Variants in NAA50 observed in about 807,000 individuals in gnomAD.
The protein encoded by NAA50 is N-alpha-acetyltransferase 50.
In NAA50, 7 loss-of-function variants were observed where a neutral mutation model predicts 20.7. The ratio of observed to expected loss-of-function variants is 0.34; its 90% confidence interval spans 0.19 to 0.63. NAA50 has a LOEUF of 0.63. NAA50 is among the 30% of genes least tolerant of loss of function. NAA50 has a pLI of 0.75. For missense variants in NAA50, 111 were observed against 199.1 expected (o/e 0.56, Z 2.66); for synonymous variants, 54 against 70.6 (o/e 0.77, Z 1.18).
chr3:113,742,292 C>T (rs149147528), intron 1 of NAA50, among the ~76,000 whole-genome samples: 1 of 152,242 alleles, frequency 6.6e-6, no homozygotes, highest in East Asian at 1.9e-4. Flanking sequence ...GACCAGTTTT[C>T]GCTCTGTTGC....
At chr3:113,731,941 G>A (rs1249411676) in intron 1 of NAA50, among the ~76,000 whole-genome samples, 1 of 152,158 alleles carries the variant, frequency 6.6e-6, no homozygotes, top group African/African-American at 2.4e-5. Context: ...AAAAGTCTGC[G>A]TGTGGACATA....
intron 1 of NAA50, among the ~76,000 whole-genome samples, chr3:113,726,574 T>A (rs1002140743): frequency 6.6e-5 from 10 of 151,834 alleles, no homozygotes; most frequent in Non-Finnish European, 1.5e-5. Context: ...TGAAACTCTG[T>A]CTCTACTAAA....
chr3:113,737,450 C>T (rs1244213749), intron 1 of NAA50, among the ~76,000 whole-genome samples: 1 of 152,214 alleles, frequency 6.6e-6, no homozygotes, highest in African/African-American at 2.4e-5. Flanking sequence ...TCAACACTAA[C>T]TGCTCATGAG....
chr3:113,741,239 C>A (rs1483401066), intron 1 of NAA50: 2 of 427,820 alleles, frequency 4.7e-6, no homozygotes, highest in Non-Finnish European at 9.2e-6. Context: ...GTCCTCAGTA[C>A]ACAGACTGCA....
intron 1 of NAA50, among the ~76,000 whole-genome samples, chr3:113,743,213 G>A (rs1708441209): frequency 6.6e-6 from 1 of 152,156 alleles, no homozygotes; most frequent in Non-Finnish European, 1.5e-5. Context: ...AACCAGCTAA[G>A]TTTTAAGTTT....
rs1339072707 is a variant in NAA50 at position 113,717,399 on chromosome 3, G to T, written c.*4361C>A. ...TCTTAAATTTTGGAGAACTGAAAAG[G>T]TTGAGAATTTCTGCCCCAGTAACAG... On this transcript the variant is annotated 3_prime_UTR_variant, in exon 5 of 5. Coordinates refer to ENST00000240922, the MANE Select transcript of NAA50 (RefSeq NM_025146.4). 1.3e-5 allele frequency: 2 copies of T among 152,142 alleles called. No homozygotes were observed. The highest frequency in any genetic ancestry group is 1.9e-4 in the East Asian group (1 of 5,192). The allele number at this position is 152,142 out of a possible 1,614,324, so 9.4% of individuals were successfully genotyped here.
At chr3:113,734,611 A>G (rs528887914) in intron 1 of NAA50, among the ~76,000 whole-genome samples, 1 of 152,380 alleles carries the variant, frequency 6.6e-6, no homozygotes, top group African/African-American at 2.4e-5. Context: ...TTCTTACTAT[A>G]TGAACAAGTA....
Position 113,721,567 on chromosome 3 carries a change from A to G in NAA50, c.*193T>C. The G allele has an allele frequency of 1.6e-6, 1 of 636,196 alleles. No homozygotes were observed. Among genetic ancestry groups the G allele is most frequent in the East Asian group, 2.8e-5 (1 of 36,052 alleles). 39.4% of individuals were successfully genotyped at this position (636,196 alleles called of 1,614,324 possible). ...CCACCTCACAAAAATAAGAGAAAAC[A>G]ATTCAAACATGATTATTTTTTTAAA... On this transcript the variant is annotated 3_prime_UTR_variant, in exon 5 of 5. Transcript: ENST00000240922.
intron 1 of NAA50, among the ~76,000 whole-genome samples, chr3:113,725,677 G>A (rs1477285366): frequency 4.6e-5 from 7 of 152,026 alleles, no homozygotes; most frequent in Admixed American, 4.6e-4. Flanking sequence ...GAAGTGAGAG[G>A]ACTGCTTGAG....
intron 1 of NAA50, among the ~76,000 whole-genome samples, chr3:113,727,749 A>G (rs1659457622): frequency 6.6e-6 from 1 of 152,132 alleles, no homozygotes; most frequent in Admixed American, 6.5e-5. Context: ...CGCGTTATAT[A>G]TATGTATATA....
At position 113,746,234 on chromosome 3, in the gene NAA50, C is replaced by A. The variant is rs977637979; in HGVS notation, c.-285G>T. 1.4e-5 allele frequency: 6 copies of A among 438,750 alleles called. No individual in the cohort carries two copies. The highest frequency in any genetic ancestry group is 4.8e-5 in the Admixed American group (1 of 21,048). The allele number at this position is 438,750 out of a possible 1,614,324, so 27.2% of individuals were successfully genotyped here. A position where few individuals can be genotyped will look rare whatever the true frequency, so the allele number is the denominator to read the frequency against. On this transcript the variant is annotated 5_prime_UTR_variant, in exon 1 of 5. Coordinates refer to ENST00000240922, the MANE Select transcript of NAA50 (RefSeq NM_025146.4). The stretch of plus-strand genomic sequence containing the variant: ...CGCTGCCGCCAGCCAGACCCGCTGC[C>A]GCGCTGTGACCTTTCACCCCGCCCC...
At position 113,746,172 on chromosome 3, in the gene NAA50, T is replaced by C; in HGVS notation, c.-223A>G. ...GCCGCCGCGCTTGTGCCGCCGCTTC[T>C]CCACACGTGCACTCGGGTCTCTCGG... is the stretch of plus-strand genomic sequence containing the variant. On this transcript the variant is annotated 5_prime_UTR_variant, in exon 1 of 5. Transcript: ENST00000240922. The C allele has an allele frequency of 1.9e-6, 1 of 540,280 alleles. No individual in the cohort carries two copies. Among genetic ancestry groups the C allele is most frequent in the Non-Finnish European group, 3.2e-6 (1 of 310,688 alleles). The allele number at this position is 540,280 out of a possible 1,614,324, so 33.5% of individuals were successfully genotyped here.
chr3:113,723,000 T>C, intron 3 of NAA50, 28 bp from the exon 4 acceptor site: 1 of 1,500,460 alleles, frequency 6.7e-7, no homozygotes, highest in Non-Finnish European at 9.0e-7. Flanking sequence ...AACAAACACG[T>C]GACTTCATAA....
chr3:113,723,625 TC>T, intron 2 of NAA50, 84 bp from the exon 3 acceptor site: 5 of 1,354,120 alleles, frequency 3.7e-6, no homozygotes, highest in Non-Finnish European at 5.0e-6. Flanking sequence ...ACTACACTGT[TC>T]CTATCAACAT....
intron 1 of NAA50, among the ~76,000 whole-genome samples, chr3:113,740,461 A>G (rs541656768): frequency 1.7e-4 from 26 of 152,264 alleles, no homozygotes; most frequent in Non-Finnish European, 3.5e-4. Flanking sequence ...CAACCTCCTA[A>G]GCTCAAGTGA....
Position 113,731,196 on chromosome 3 carries a change from T to G in NAA50, c.9-7101A>C, listed in dbSNP as rs1708267780. ...CAATTTTTTAAAAACTGGTTTTTCT[T>G]GAGTTTTGGGTGTATTATGGATACT... is the stretch of plus-strand genomic sequence containing the variant. On this transcript the variant is annotated intron_variant, in intron 1 of 4. Transcript: ENST00000240922. 1.3e-5 allele frequency among the ~76,000 whole-genome samples: 2 copies of G among 152,216 alleles called. 1 individual carries two copies. Among genetic ancestry groups the G allele is most frequent in the Non-Finnish European group, 2.9e-5 (2 of 68,028 alleles).
intron 1 of NAA50, among the ~76,000 whole-genome samples, chr3:113,728,774 C>T (rs191950744): frequency 1.3e-3 from 200 of 152,280 alleles, no homozygotes; most frequent in South Asian, 2.5e-3. Context: ...CACTCCTGAA[C>T]TCTACATTCC....
chr3:113,733,357 T>C (rs1279396611), intron 1 of NAA50, among the ~76,000 whole-genome samples: 1 of 151,896 alleles, frequency 6.6e-6, no homozygotes, highest in African/African-American at 2.4e-5. Flanking sequence ...TTTTAATTAG[T>C]GGAGGAACTA....
chr3:113,724,069 G>A lies in NAA50; in HGVS notation c.35C>T (p.Thr12Ile). 1.3e-6 allele frequency: 2 copies of A among 1,598,530 alleles called. No individual in the cohort carries two copies. The highest frequency in any genetic ancestry group is 1.7e-6 in the Non-Finnish European group (2 of 1,172,578). ...KGSRIELGDV[T>I]PHNIKQLKRL... Reference sequence around the variant, plus strand: ...TTTCAACTGTTTAATATTGTGTGGTGTCACATCTCCCAGCTCGATCCGGCT... The same window carrying A: ...TTTCAACTGTTTAATATTGTGTGGTATCACATCTCCCAGCTCGATCCGGCT... Residue 12 changes from threonine (T) to isoleucine (I), a missense_variant, in exon 2 of 5, where the codon ACA (threonine) becomes ATA (isoleucine). By Grantham distance (89) the Thr-to-Ile change is moderately conservative. Transcript: ENST00000240922.
Sources: allele counts gnomAD v4.1 joint callset (sites outside exome capture counted in the v4.1 genomes callset), GRCh38; gene constraint gnomAD v4.1.1; transcripts MANE v1.5; gene names NCBI Gene and HGNC (gene_info 2026-07-23, HGNC 2026-07-21).